The following ITIH5 variants were observed in gnomAD, a reference collection of about 807,000 sequenced individuals.
ITIH5 encodes inter-alpha-trypsin inhibitor heavy chain H5.
In ITIH5, 65 loss-of-function variants were observed where a neutral mutation model predicts 77.5. The observed-to-expected ratio is 0.84, with a 90% confidence interval of 0.69 to 1.03. ITIH5 has a LOEUF of 1.03. Ranked by LOEUF, ITIH5 falls within the 50% of genes least tolerant of loss-of-function variation. ITIH5 has a pLI of 0.00. For synonymous variants in ITIH5, 525 were observed against 494.3 expected (o/e 1.06, Z -0.82); for missense variants, 1,208 against 1,213.1 (o/e 1.00, Z 0.06).
chr10:7,564,064 C>T (rs976276517), intron 13 of ITIH5, among the ~76,000 whole-genome samples: 12 of 152,244 alleles, frequency 7.9e-5, no homozygotes, highest in South Asian at 2.1e-4. Context: ...CTGCTGGGCA[C>T]GGCCACGTGG....
At chr10:7,628,184 C>T (rs893360387) in intron 5 of ITIH5, among the ~76,000 whole-genome samples, 10 of 152,268 alleles carry the variant, frequency 6.6e-5, no homozygotes, top group Admixed American at 6.5e-4. Context: ...GCATTTAGTA[C>T]ATCCACAATG....
chr10:7,585,823 G>A (rs1832661202), intron 8 of ITIH5, 78 bp downstream of exon 8: 1 of 1,172,008 alleles, frequency 8.5e-7, no homozygotes, highest in African/African-American at 2.1e-5. Flanking sequence ...CTTATCTCTT[G>A]GCAAAAAAAA....
chr10:7,624,589 G>A (rs1588408414), intron 5 of ITIH5, among the ~76,000 whole-genome samples: 1 of 149,194 alleles, frequency 6.7e-6, no homozygotes, highest in Admixed American at 6.7e-5. Context: ...AGGCCAAGGG[G>A]GGCAGATCAC....
rs61836565 is a variant in ITIH5 at position 7,560,083 on chromosome 10, C to T, written c.*3000G>A. On this transcript the variant is annotated 3_prime_UTR_variant, in exon 14 of 14. Coordinates refer to ENST00000397146, the MANE Select transcript of ITIH5 (RefSeq NM_030569.7). ...GCCAGGATGGTCTCCATCTCCTGAC[C>T]TCATGATCCACCCTTCTCGGCCTCC... 5 of 304,426 alleles carry T rather than the reference C, an allele frequency of 1.6e-5. No individual in the cohort carries two copies. The highest frequency in any genetic ancestry group is 6.8e-5 in the African/African-American group (3 of 44,166). The allele number at this position is 304,426 out of a possible 1,614,324, so 18.9% of individuals were successfully genotyped here.
chr10:7,647,717 T>C (rs967551691), intron 2 of ITIH5, among the ~76,000 whole-genome samples: 2 of 152,232 alleles, frequency 1.3e-5, no homozygotes, highest in Non-Finnish European at 2.9e-5. Flanking sequence ...CACTTTGTTA[T>C]GTTTTGTAAA....
chr10:7,649,369 G>C (rs1000663780), intron 2 of ITIH5, among the ~76,000 whole-genome samples: 12 of 151,376 alleles, frequency 7.9e-5, no homozygotes, highest in African/African-American at 2.9e-4. Flanking sequence ...TAGATCATGA[G>C]ACATAATAGT....
chr10:7,630,066 T>A (rs1833688620), intron 5 of ITIH5, among the ~76,000 whole-genome samples: 1 of 152,250 alleles, frequency 6.6e-6, no homozygotes, highest in South Asian at 2.1e-4. Context: ...TTTAGTTATT[T>A]GTAAAGTTAA....
chr10:7,579,868 G>A lies in ITIH5; in HGVS notation c.1305C>T (p.Thr435=), dbSNP rs1211754873. 4.3e-6 allele frequency: 7 copies of A among 1,614,106 alleles called. No homozygotes were observed. In the Admixed American group the frequency reaches 6.7e-5, roughly 15 times the overall value. ...AGTCCACGTCGTTGCCGATGCCAATGGTGAAGATGCAGACTTGGCCTCGGG... is the reference window on the plus strand; with the variant it reads ...AGTCCACGTCGTTGCCGATGCCAATAGTGAAGATGCAGACTTGGCCTCGGG... ...EAARGQVCIF[T]IGIGNDVDFR... The change falls in exon 9 of 14, where the codon ACC becomes ACT. Residue 435 remains threonine, a synonymous_variant. Transcript: ENST00000397146.
At chr10:7,571,100 C>T (rs1832288092) in intron 11 of ITIH5, among the ~76,000 whole-genome samples, 2 of 152,214 alleles carry the variant, frequency 1.3e-5, no homozygotes, top group Admixed American at 6.5e-5. Flanking sequence ...GACACGGGCC[C>T]TTGAGAGGAT....
intron 1 of ITIH5, among the ~76,000 whole-genome samples, chr10:7,656,609 C>T (rs1317499974): frequency 6.6e-6 from 1 of 152,186 alleles, no homozygotes; most frequent in Non-Finnish European, 1.5e-5. Flanking sequence ...GGATGTTACT[C>T]ATGGCAAATC....
rs34213756 is a variant in ITIH5 at position 7,576,546 on chromosome 10, G to A, written c.1885C>T (p.Arg629Cys). Reference sequence around the variant, plus strand: ...TGGGCCTCCTCCAGGCCATCCATGCGTGGGACCGGCCCCCTCAGCTTCATG... The same window carrying A: ...TGGGCCTCCTCCAGGCCATCCATGCATGGGACCGGCCCCCTCAGCTTCATG... ...TSMKLRGPVP[R>C]MDGLEEAHGM... Residue 629 changes from arginine to cysteine, a missense_variant, in exon 10 of 14, where the codon CGC becomes TGC. Physicochemically the swap from Arg to Cys is radical, Grantham distance 180 (BLOSUM62 -3). Coordinates refer to ENST00000397146, the MANE Select transcript of ITIH5 (RefSeq NM_030569.7). 1.5e-3 allele frequency: 2,340 copies of A among 1,613,444 alleles called. 22 individuals carry two copies. In the African/African-American group the frequency reaches 0.025, roughly 17 times the overall value.
chr10:7,584,961 T>C (rs1480124311), intron 8 of ITIH5, among the ~76,000 whole-genome samples: 1 of 152,208 alleles, frequency 6.6e-6, no homozygotes, highest in Non-Finnish European at 1.5e-5. Context: ...CAAGATCAAG[T>C]TCCACATTAA....
intron 8 of ITIH5, 107 bp from the exon 9 acceptor site, chr10:7,580,171 A>C (rs1185071759): frequency 1.0e-6 from 1 of 969,220 alleles, no homozygotes; most frequent in Non-Finnish European, 1.5e-6. Context: ...CCCAGGCTGG[A>C]GTGCAATGGC....
chr10:7,637,559 GC>G (rs1282199524), intron 4 of ITIH5, 81 bp from the exon 5 acceptor site: 67 of 1,420,532 alleles, frequency 4.7e-5, no homozygotes, highest in Middle Eastern at 1.8e-4. Flanking sequence ...CAGGGCACCA[GC>G]CATACCCTCT....
At chr10:7,568,119 G>A (rs140662117) in intron 12 of ITIH5, among the ~76,000 whole-genome samples, 64 of 152,274 alleles carry the variant, frequency 4.2e-4, no homozygotes, top group African/African-American at 1.3e-3. Context: ...AACAGATGGC[G>A]ATTGCACTTG....
chr10:7,569,010 C>CTTTTTTTTTTTTT (rs5782983), intron 12 of ITIH5, among the ~76,000 whole-genome samples: 10 of 71,568 alleles, frequency 1.4e-4, no homozygotes, highest in East Asian at 4.4e-4. Flanking sequence ...TTTTCTTTTT[C>CTTTTTTTTTTTTT]TTTTTTTTTT....
In ITIH5 at chr10:7,576,831, T is replaced by C; in HGVS notation, c.1600A>G (p.Asn534Asp). The change falls in exon 10 of 14, where the codon AAC becomes GAC. Residue 534 changes from asparagine to aspartate, a missense_variant. Coordinates refer to ENST00000397146, the MANE Select transcript of ITIH5 (RefSeq NM_030569.7). ...TTCAGGATGATGAATTTCTTACTGT[T>C]GCTGGCGGTGACCTCCACGTGCAGG... is the stretch of plus-strand genomic sequence containing the variant. Reference protein sequence around the residue: ...DHLHVEVTASNSKKFIILKTD... With the variant: ...DHLHVEVTASDSKKFIILKTD... The C allele has an allele frequency of 6.2e-7, 1 of 1,614,200 alleles. No individual in the cohort carries two copies. Among genetic ancestry groups the C allele is most frequent in the East Asian group, 2.2e-5 (1 of 44,878 alleles).
chr10:7,601,170 T>C (rs941827447), intron 7 of ITIH5, among the ~76,000 whole-genome samples: 1 of 152,194 alleles, frequency 6.6e-6, no homozygotes, highest in Non-Finnish European at 1.5e-5. Flanking sequence ...GCAACTGATG[T>C]CATTTGGCAA....
Position 7,655,646 on chromosome 10 carries a change from T to A in ITIH5, c.120A>T (p.Arg40Ser), listed in dbSNP as rs913500265. The A allele has an allele frequency of 1.2e-6, 2 of 1,612,770 alleles. No homozygotes were observed. The highest frequency in any genetic ancestry group is 1.7e-6 in the Non-Finnish European group (2 of 1,178,980). ...ATATACCTACCAGCCTCTGCAACAG[T>A]CTGACTTGCCTCGGGACCCTGAGTC... ...QDGLRVPRQV[R>S]LLQRLKTKPL... The change falls in exon 2 of 14, where the codon AGA (arginine) becomes AGT (serine). Residue 40 changes from arginine (R) to serine (S), a missense_variant. Transcript: ENST00000397146.
Sources: allele counts gnomAD v4.1 joint callset (sites outside exome capture counted in the v4.1 genomes callset), GRCh38; gene constraint gnomAD v4.1.1; transcripts MANE v1.5; gene names NCBI Gene and HGNC (gene_info 2026-07-23, HGNC 2026-07-21).